The following HECW1 variants were observed in gnomAD, a reference collection of about 807,000 sequenced individuals.
HECW1 encodes the protein E3 ubiquitin-protein ligase HECW1.
A neutral mutation model predicts 182.3 loss-of-function variants in HECW1; 61 were observed. The ratio of observed to expected loss-of-function variants is 0.33; its 90% CI spans 0.27 to 0.41. The LOEUF (loss-of-function observed/expected upper bound fraction) is 0.41. Ranked by LOEUF, HECW1 falls within the 10% of genes least tolerant of loss-of-function variation. The pLI, the probability that HECW1 is intolerant of heterozygous loss-of-function variation, is 1.00. For synonymous variants in HECW1, 859 were observed against 832.6 expected (o/e 1.03, Z -0.55); for missense variants, 1,739 against 2,108.9 (o/e 0.82, Z 3.44).
intron 3 of HECW1, among the ~76,000 whole-genome samples, chr7:43,302,208 C>T (rs1344603449): frequency 6.7e-6 from 1 of 148,976 alleles, no homozygotes; most frequent in African/African-American, 2.6e-5. Flanking sequence ...TGAGGCTCCT[C>T]AGGCTTCTCA....
chr7:43,287,061 C>T (rs745305694), intron 3 of HECW1, among the ~76,000 whole-genome samples: 13 of 151,766 alleles, frequency 8.6e-5, no homozygotes, highest in Non-Finnish European at 1.6e-4. Context: ...TGGGGAGGTA[C>T]GTAGTAGTGA....
intron 3 of HECW1, among the ~76,000 whole-genome samples, chr7:43,307,955 A>G (rs2152768503): frequency 7.4e-6 from 1 of 135,232 alleles, no homozygotes; most frequent in Non-Finnish European, 1.5e-5. Flanking sequence ...ATTATATATT[A>G]TATATACTGT....
At chr7:43,375,337 T>C (rs899790195) in intron 6 of HECW1, among the ~76,000 whole-genome samples, 9 of 152,056 alleles carry the variant, frequency 5.9e-5, no homozygotes, top group Non-Finnish European at 8.8e-5. Flanking sequence ...GTCAGTGATA[T>C]GTGACTATGC....
intron 29 of HECW1, among the ~76,000 whole-genome samples, chr7:43,556,203 G>A (rs751824942): frequency 1.3e-5 from 2 of 152,172 alleles, no homozygotes; most frequent in African/African-American, 2.4e-5. Flanking sequence ...CTGGCATTTA[G>A]GGGAGGATTG....
rs1198887442 is a variant in HECW1 at position 43,451,959 on chromosome 7, G to A, written c.2500+1030G>A. 2.0e-5 allele frequency among the ~76,000 whole-genome samples: 3 copies of A among 152,188 alleles called. No homozygotes were observed. The East Asian group carries it at 5.8e-4, about 29-fold the overall frequency. On this transcript the variant is annotated intron_variant, in intron 12 of 29. Transcript: ENST00000395891. ...TTATTTCTTAGTTCATCTGTTCTTG[G>A]TAATGTGCTGTACTTTACAGGAACA...
intron 8 of HECW1, among the ~76,000 whole-genome samples, chr7:43,422,667 C>A (rs2152858309): frequency 6.6e-6 from 1 of 152,226 alleles, no homozygotes; most frequent in Non-Finnish European, 1.5e-5. Flanking sequence ...CAGCACCCGG[C>A]CTTTAGAGGA....
At chr7:43,203,884 T>G (rs887079777) in intron 2 of HECW1, among the ~76,000 whole-genome samples, 3 of 152,272 alleles carry the variant, frequency 2.0e-5, no homozygotes, top group African/African-American at 7.2e-5. Context: ...ATGTATTTAA[T>G]AGCTGACAAT....
At chr7:43,363,673 G>A (rs186949341) in intron 6 of HECW1, among the ~76,000 whole-genome samples, 4 of 152,258 alleles carry the variant, frequency 2.6e-5, no homozygotes, top group Non-Finnish European at 4.4e-5. Context: ...CAATCCCACA[G>A]GACTGTATTT....
intron 6 of HECW1, among the ~76,000 whole-genome samples, chr7:43,374,214 G>A (rs2074228956): frequency 6.6e-6 from 1 of 152,196 alleles, no homozygotes. Flanking sequence ...AAAATTCATA[G>A]AGGTTGGCTC....
intron 1 of HECW1, chr7:43,113,835 G>A (rs568014730): frequency 3.9e-5 from 9 of 232,578 alleles, no homozygotes; most frequent in Admixed American, 5.6e-5. Context: ...TTGACGTCCC[G>A]GCCACTTGGC....
At chr7:43,522,522 A>G (rs1042435784) in intron 24 of HECW1, 5 of 152,592 alleles carry the variant, frequency 3.3e-5, no homozygotes, top group South Asian at 2.1e-4. Flanking sequence ...CAGAGTTGCC[A>G]TGGGCTCTTC....
intron 3 of HECW1, among the ~76,000 whole-genome samples, chr7:43,286,556 G>A (rs955767724): frequency 1.3e-5 from 2 of 152,156 alleles, no homozygotes; most frequent in African/African-American, 4.8e-5. Flanking sequence ...GCTGGCAAAT[G>A]ATAAGCTCTC....
At chr7:43,178,109 A>G (rs1792439615) in intron 2 of HECW1, among the ~76,000 whole-genome samples, 1 of 152,100 alleles carries the variant, frequency 6.6e-6, no homozygotes, top group Non-Finnish European at 1.5e-5. Context: ...TCCTGGATTC[A>G]AGCAATTCTG....
At chr7:43,278,507 C>T (rs927952305) in intron 3 of HECW1, among the ~76,000 whole-genome samples, 4 of 152,162 alleles carry the variant, frequency 2.6e-5, no homozygotes, top group African/African-American at 9.7e-5. Context: ...CAGCATGGGC[C>T]TTCTCAAAGC....
intron 19 of HECW1, among the ~76,000 whole-genome samples, chr7:43,493,746 A>G (rs1402894913): frequency 2.0e-5 from 3 of 152,190 alleles, no homozygotes; most frequent in Non-Finnish European, 2.9e-5. Flanking sequence ...CAAAATATTC[A>G]AACATCTTTT....
intron 3 of HECW1, among the ~76,000 whole-genome samples, chr7:43,298,714 G>C (rs1008042641): frequency 3.3e-5 from 5 of 152,126 alleles, no homozygotes; most frequent in African/African-American, 1.2e-4. Flanking sequence ...TTAATACTTA[G>C]TCTCTTGGAG....
rs140569298 is a variant in HECW1 at position 43,242,296 on chromosome 7, G to A, written c.-31-1579G>A. ...GTTAGGCTCCATGGGAGTTGAGTGG[G>A]AGAGGGAGGTTTGGACCACGCTGGA... On this transcript the variant is annotated intron_variant, in intron 2 of 29. Transcript: ENST00000395891. 7.7e-4 allele frequency among the ~76,000 whole-genome samples: 118 copies of A among 152,322 alleles called. No homozygotes were observed. The Middle Eastern group carries it at 0.01, about 13-fold the overall frequency.
At chr7:43,168,208 G>A (rs1021194889) in intron 2 of HECW1, among the ~76,000 whole-genome samples, 8 of 152,196 alleles carry the variant, frequency 5.3e-5, no homozygotes, top group Non-Finnish European at 7.3e-5. Flanking sequence ...GTTTATGAGT[G>A]TTGAATCATG....
intron 16 of HECW1, among the ~76,000 whole-genome samples, chr7:43,476,979 C>T (rs1324890842): frequency 6.6e-6 from 1 of 152,074 alleles, no homozygotes; most frequent in Admixed American, 6.5e-5. Context: ...TAACTTAGCA[C>T]TTGGATAATA....
Sources: gnomAD v4.1 joint callset for allele counts (sites outside exome capture counted in the v4.1 genomes callset) on GRCh38, gnomAD v4.1.1 for gene constraint, MANE v1.5 for transcripts, NCBI Gene and HGNC (gene_info 2026-07-23, HGNC 2026-07-21) for gene names.